Variants in GTF3C1 observed in about 807,000 individuals in gnomAD.
The protein encoded by GTF3C1 is general transcription factor IIIC subunit 1.
A neutral mutation model predicts 226.7 loss-of-function variants in GTF3C1; 57 were observed. The observed-to-expected ratio is 0.25, with a 90% CI of 0.20 to 0.31. The LOEUF (loss-of-function observed/expected upper bound fraction) is 0.31. Ranked by LOEUF, GTF3C1 falls within the 10% of genes least tolerant of loss-of-function variation. The pLI, the probability that GTF3C1 is intolerant of heterozygous loss-of-function variation, is 1.00. For synonymous variants in GTF3C1, 1,090 were observed against 1,084.8 expected, an observed-to-expected ratio of 1.00 and a Z score of -0.09; for missense variants, 2,217 against 2,776.1, an observed-to-expected ratio of 0.80 and a Z score of 4.53.
chr16:27,512,473 G>A (rs1567405016), intron 6 of GTF3C1, among the ~76,000 whole-genome samples: 1 of 152,070 alleles, frequency 6.6e-6, no homozygotes, highest in Admixed American at 6.5e-5. Context: ...AAGAGGCAAA[G>A]CCTATCAGTA....
rs375228657 is a variant in GTF3C1 at position 27,507,197 on chromosome 16, C to T, written c.1243-41G>A. 163 of 1,423,616 alleles carry T rather than the reference C, an allele frequency of 1.1e-4. No individual in the cohort carries two copies. Among genetic ancestry groups the T allele is most frequent in the Middle Eastern group, 1.8e-4 (1 of 5,486 alleles). 88.2% of individuals were successfully genotyped at this position (1,423,616 alleles called of 1,614,324 possible). A position where few individuals can be genotyped will look rare whatever the true frequency, so the allele number is the denominator to read the frequency against. On this transcript the variant is annotated intron_variant, in intron 8 of 36. Transcript: ENST00000356183. This position sits in a 1 kb window ranked among gnomAD's most constrained non-coding sequence, Gnocchi z 4.9. ...TGTGTTTATCCCACTGCAAAGAGGG[C>T]GTCATACCCACAGGGGTTCAGGTGG...
intron 2 of GTF3C1, among the ~76,000 whole-genome samples, chr16:27,544,933 A>T (rs1172018510): frequency 6.6e-6 from 1 of 151,834 alleles, no homozygotes; most frequent in East Asian, 1.9e-4. Flanking sequence ...TGCTCTGACT[A>T]CACATTCAAA....
rs757259988 is a variant in GTF3C1, at chr16:27,497,726, C to G, written c.2261G>C (p.Ser754Thr). ...TCCACTTTCTGATCTAGAGGAAGCACTCAGCTGAGAGTCCCCTGATCCACT... is the reference window on the plus strand; with the variant it reads ...TCCACTTTCTGATCTAGAGGAAGCAGTCAGCTGAGAGTCCCCTGATCCACT... ...GPSGSGDSQL[S>T]ASSRSESGRM... Residue 754 changes from serine (S) to threonine (T), a missense_variant, in exon 14 of 37, where the codon AGT becomes ACT. Physicochemically the swap from Ser to Thr is moderately conservative, Grantham distance 58. This residue lies in a region of GTF3C1 where 100 missense variants were observed against 139.9 expected (regional missense o/e 0.71). Transcript: ENST00000356183. 14 of 1,613,822 alleles carry G rather than the reference C, an allele frequency of 8.7e-6. No individual in the cohort carries two copies. Among genetic ancestry groups the G allele is most frequent in the Non-Finnish European group, 1.1e-5 (13 of 1,179,670 alleles).
intron 1 of GTF3C1, among the ~76,000 whole-genome samples, chr16:27,548,652 A>T (rs1567420567): frequency 6.6e-6 from 1 of 152,306 alleles, no homozygotes; most frequent in South Asian, 2.1e-4. Flanking sequence ...CCTGGGTTCA[A>T]ATCAATTCTT....
intron 5 of GTF3C1, among the ~76,000 whole-genome samples, chr16:27,530,622 A>T (rs918536713): frequency 2.6e-5 from 4 of 152,166 alleles, no homozygotes; most frequent in African/African-American, 9.7e-5. Flanking sequence ...AGACATCACC[A>T]GGGGATAGTC....
intron 13 of GTF3C1, 97 bp from the exon 14 acceptor site, chr16:27,497,918 C>T: frequency 1.0e-6 from 1 of 999,408 alleles, no homozygotes; most frequent in Non-Finnish European, 1.5e-6. Context: ...AGCCTCTTGG[C>T]CTGGGGGTTT....
intron 7 of GTF3C1, among the ~76,000 whole-genome samples, chr16:27,509,429 A>G (rs1304491641): frequency 6.6e-6 from 1 of 152,210 alleles, no homozygotes; most frequent in African/African-American, 2.4e-5. Flanking sequence ...GCCGCAAGGC[A>G]GACTTGGTTG....
Position 27,486,104 on chromosome 16 carries a change from C to G in GTF3C1, c.3751G>C (p.Asp1251His), listed in dbSNP as rs1173263125. The G allele has an allele frequency of 1.9e-6, 3 of 1,606,202 alleles. No homozygotes were observed. Among genetic ancestry groups the G allele is most frequent in the South Asian group, 1.1e-5 (1 of 90,800 alleles). The change falls in exon 24 of 37, where the codon GAC (aspartate) becomes CAC (histidine). Residue 1251 changes from aspartate to histidine, a missense_variant. Transcript: ENST00000356183. ...GTCATCCGCTGCAGGGCACTCTGGT[C>G]GGCTTCATCATGGTAGCGCAGCCTT... ...SKRLRYHDEADQSALQRMTRL... is the reference protein window; with the variant it reads ...SKRLRYHDEAHQSALQRMTRL...
chr16:27,533,423 C>T, intron 4 of GTF3C1, 36 bp from the exon 5 acceptor site: 1 of 1,145,934 alleles, frequency 8.7e-7, no homozygotes, highest in Non-Finnish European at 1.3e-6. Context: ...TTTTTCAAAC[C>T]TGTTGCTGAA....
rs1336110425 is a variant in GTF3C1, at chr16:27,460,983, G to A, written c.*367C>T. 1.0e-5 allele frequency: 2 copies of A among 194,810 alleles called. No homozygotes were observed. Among genetic ancestry groups the A allele is most frequent in the Admixed American group, 1.1e-4 (2 of 18,840 alleles). 12.1% of individuals were successfully genotyped at this position (194,810 alleles called of 1,614,324 possible). A position where few individuals can be genotyped will look rare whatever the true frequency, so the allele number is the denominator to read the frequency against. Reference sequence around the variant, plus strand: ...ATCCCACAAGGCCCTTCCTCTTGGTGGCACCTGGGCACTCAAGGAGCCAGG... The same window carrying A: ...ATCCCACAAGGCCCTTCCTCTTGGTAGCACCTGGGCACTCAAGGAGCCAGG... On this transcript the variant is annotated 3_prime_UTR_variant, in exon 37 of 37. Transcript: ENST00000356183.
At position 27,488,432 on chromosome 16, in the gene GTF3C1, G is replaced by A. The variant is rs748784409; in HGVS notation, c.3512-17C>T. ...TGCTGTTGCCTAGACATAATCACAG[G>A]AGACAACAGTTTCAGGACGAGTGCT... is the stretch of plus-strand genomic sequence containing the variant. On this transcript the variant is annotated splice_polypyrimidine_tract_variant and intron_variant, in intron 22 of 36. Coordinates refer to ENST00000356183, the MANE Select transcript of GTF3C1 (RefSeq NM_001520.4). The A allele has an allele frequency of 3.1e-6, 5 of 1,598,672 alleles. No homozygotes were observed. The highest frequency in any genetic ancestry group is 4.3e-6 in the Non-Finnish European group (5 of 1,166,250).
chr16:27,542,733 G>C (rs1257595178), intron 2 of GTF3C1, among the ~76,000 whole-genome samples: 1 of 152,116 alleles, frequency 6.6e-6, no homozygotes, highest in African/African-American at 2.4e-5. Context: ...GGTGAGAGTG[G>C]GTTGATGTAA....
At position 27,463,624 on chromosome 16, in the gene GTF3C1, C is replaced by T. The variant is rs199514225; in HGVS notation, c.5873-32G>A. ...GAAGAGGAAGAGAATGTGAGAGACT[C>T]GGAAAGTCAGGGAAGCCATCTCTGC... On this transcript the variant is annotated intron_variant, in intron 34 of 36. Coordinates refer to ENST00000356183, the MANE Select transcript of GTF3C1 (RefSeq NM_001520.4). This position sits in a 1 kb window ranked among gnomAD's most constrained non-coding sequence, Gnocchi z 4.9. The T allele has an allele frequency of 5.1e-3, 7,200 of 1,416,322 alleles. 26 individuals carry two copies. The highest frequency in any genetic ancestry group is 6.9e-3 in the Non-Finnish European group (6,904 of 999,060). The allele number at this position is 1,416,322 out of a possible 1,614,324, so 87.7% of individuals were successfully genotyped here. A position where few individuals can be genotyped will look rare whatever the true frequency, so the allele number is the denominator to read the frequency against.
At chr16:27,495,117 A>G (rs2141384244) in intron 15 of GTF3C1, 94 bp downstream of exon 15, 1 of 986,730 alleles carries the variant, frequency 1.0e-6, no homozygotes, top group South Asian at 1.5e-5. Context: ...GGCTGCAGCC[A>G]GTTTATATAA....
At chr16:27,479,983 G>A (rs2088014680) in intron 27 of GTF3C1, among the ~76,000 whole-genome samples, 1 of 151,924 alleles carries the variant, frequency 6.6e-6, no homozygotes, top group Non-Finnish European at 1.5e-5. Context: ...GGCAGATCAC[G>A]AGGTCAGGAG....
intron 23 of GTF3C1, 61 bp downstream of exon 23, chr16:27,488,166 C>A: frequency 6.9e-7 from 1 of 1,458,902 alleles, no homozygotes; most frequent in Non-Finnish European, 9.5e-7. Context: ...GTGAGGCTGT[C>A]GCACATCTCC....
intron 1 of GTF3C1, among the ~76,000 whole-genome samples, chr16:27,549,289 A>T (rs1309702866): frequency 6.6e-6 from 1 of 152,152 alleles, no homozygotes; most frequent in African/African-American, 2.4e-5. Context: ...TGAATATACC[A>T]TGAGGGTCTG....
intron 1 of GTF3C1, among the ~76,000 whole-genome samples, chr16:27,549,164 GA>G (rs963094320): frequency 1.3e-5 from 2 of 151,332 alleles, no homozygotes; most frequent in African/African-American, 2.4e-5. Flanking sequence ...TCTCAAAAAA[GA>G]AAAAAAAGAA....
intron 14 of GTF3C1, among the ~76,000 whole-genome samples, chr16:27,497,085 A>C (rs185000636): frequency 6.6e-6 from 1 of 152,276 alleles, no homozygotes; most frequent in African/African-American, 2.4e-5. Flanking sequence ...GGCCCCGGTG[A>C]GTCAAGTTTG....
Sources: allele counts gnomAD v4.1 joint callset (sites outside exome capture counted in the v4.1 genomes callset), GRCh38; gene constraint gnomAD v4.1.1; regional missense constraint gnomAD v4.1.1; non-coding constraint Gnocchi (gnomAD v3.1); transcripts MANE v1.5; gene names NCBI Gene and HGNC (gene_info 2026-07-23, HGNC 2026-07-21).